The following SHLD1 variants were observed in gnomAD, a reference collection of about 807,000 sequenced individuals.
SHLD1 encodes shieldin complex subunit 1, also known as RINN1-REV7-interacting novel NHEJ regulator 3.
SHLD1 carries 3 observed loss-of-function variants against 5.5 expected under a neutral mutation model. The ratio of observed to expected loss-of-function variants is 0.54; its 90% CI spans 0.25 to 1.40. SHLD1 has a LOEUF of 1.40. Ranked by LOEUF, SHLD1 falls within the 40% of genes most tolerant of loss-of-function variation. SHLD1 has a pLI of 0.15. For synonymous variants in SHLD1, 92 were observed against 94.3 expected (o/e 0.98, Z 0.14); for missense variants, 210 against 244.4 (o/e 0.86, Z 0.94).
intron 2 of SHLD1, among the ~76,000 whole-genome samples, chr20:5,829,881 G>GAA (rs11482144): frequency 1.6e-4 from 23 of 148,016 alleles, no homozygotes; most frequent in South Asian, 4.3e-4. Flanking sequence ...TCTTCTTTAG[G>GAA]AAAAAAAAAC....
At chr20:5,839,348 C>T (rs2122462572) in intron 2 of SHLD1, among the ~76,000 whole-genome samples, 1 of 152,310 alleles carries the variant, frequency 6.6e-6, no homozygotes, top group African/African-American at 2.4e-5. Flanking sequence ...ACTGACCCTT[C>T]TCACTTCTCT....
intron 2 of SHLD1, among the ~76,000 whole-genome samples, chr20:5,809,617 T>C (rs2087430319): frequency 6.6e-6 from 1 of 152,082 alleles, no homozygotes; most frequent in Non-Finnish European, 1.5e-5. Flanking sequence ...GCATCCATCC[T>C]TCCTCAGTTG....
At chr20:5,860,876 TAAAAAAAAAAAAAA>T (rs10555301) in intron 2 of SHLD1, among the ~76,000 whole-genome samples, 10,041 of 100,836 alleles carry the variant, frequency 0.1, 741 homozygotes, top group African/African-American at 0.19. Context: ...TACTATTCTT[TAAAAAAAAAAAAAA>T]AAAAAAAAAA....
chr20:5,816,469 CTG>C (rs1264564614), intron 2 of SHLD1, among the ~76,000 whole-genome samples: 1 of 152,130 alleles, frequency 6.6e-6, no homozygotes, highest in Non-Finnish European at 1.5e-5. Flanking sequence ...GATTCACTGT[CTG>C]TGGGTAAACA....
chr20:5,811,606 G>C (rs560126519), intron 2 of SHLD1, among the ~76,000 whole-genome samples: 1 of 152,268 alleles, frequency 6.6e-6, no homozygotes, highest in Non-Finnish European at 1.5e-5. Flanking sequence ...TGTAAAACCA[G>C]TGCTTTGGGA....
chr20:5,782,629 T>A (rs575991247), intron 2 of SHLD1, among the ~76,000 whole-genome samples: 14 of 152,352 alleles, frequency 9.2e-5, no homozygotes, highest in African/African-American at 2.4e-4. Context: ...GTTATAAGTT[T>A]AAAGTAAATA....
intron 1 of SHLD1, among the ~76,000 whole-genome samples, chr20:5,764,207 ATTTGTG>A (rs1984688772): frequency 1.1e-4 from 4 of 36,100 alleles, no homozygotes; most frequent in African/African-American, 5.0e-4. Flanking sequence ...ATATATATAT[ATTTGTG>A]TGTGTGTATA....
chr20:5,851,159 T>G (rs1372803199), intron 2 of SHLD1, among the ~76,000 whole-genome samples: 1 of 152,144 alleles, frequency 6.6e-6, no homozygotes, highest in African/African-American at 2.4e-5. Context: ...CAGGAAAGAT[T>G]ATTGGAACCA....
chr20:5,837,805 AT>A (rs34196438), intron 2 of SHLD1, among the ~76,000 whole-genome samples: 7,005 of 152,090 alleles, frequency 0.046, 308 homozygotes, highest in East Asian at 0.21. Context: ...AATTTTTCTT[AT>A]TTTTTTGATA....
chr20:5,856,678 G>A lies in SHLD1; in HGVS notation c.179-6346G>A, dbSNP rs573465274. 3.3e-5 allele frequency among the ~76,000 whole-genome samples: 5 copies of A among 152,312 alleles called. No homozygotes were observed. In the South Asian group the frequency reaches 1.0e-3, roughly 32 times the overall value. Reference sequence around the variant, plus strand: ...CAAGAGTTGCTGATAAGTGATCATTGATGACCGGAACATCCCCCACTACTC... The same window carrying A: ...CAAGAGTTGCTGATAAGTGATCATTAATGACCGGAACATCCCCCACTACTC... On this transcript the variant is annotated intron_variant, in intron 2 of 2. Coordinates refer to ENST00000303142, the MANE Select transcript of SHLD1 (RefSeq NM_152504.4).
intron 2 of SHLD1, among the ~76,000 whole-genome samples, chr20:5,844,799 A>ATATATATTTTTT (rs1460082835): frequency 4.2e-5 from 3 of 71,720 alleles, no homozygotes; most frequent in East Asian, 7.5e-4. Flanking sequence ...ATATATATAT[A>ATATATATTTTTT]TTTTTTTTTT....
chr20:5,818,047 C>CTTTTCTTTTTCTCCTTT (rs1369193363), intron 2 of SHLD1, among the ~76,000 whole-genome samples: 3 of 151,748 alleles, frequency 2.0e-5, no homozygotes, highest in Non-Finnish European at 4.4e-5. Flanking sequence ...GTCCAGTTTT[C>CTTTTCTTTTTCTCCTTT]TTTTCTTTTT....
chr20:5,794,079 T>C (rs902056721), intron 2 of SHLD1, among the ~76,000 whole-genome samples: 5 of 152,114 alleles, frequency 3.3e-5, no homozygotes, highest in Non-Finnish European at 5.9e-5. Context: ...TTCTGATTGT[T>C]TGTTTGTTTT....
chr20:5,863,799 G>A lies in SHLD1; in HGVS notation c.*336G>A, dbSNP rs1415004633. ...TCCCTTTCCTCTAGATCGGCCTGAG[G>A]CTGGGACATTACATGAAATCACACC... On this transcript the variant is annotated 3_prime_UTR_variant, in exon 3 of 3. Transcript: ENST00000303142. The A allele has an allele frequency of 4.6e-6, 1 of 217,780 alleles. No individual in the cohort carries two copies. Among genetic ancestry groups the A allele is most frequent in the Non-Finnish European group, 9.0e-6 (1 of 111,544 alleles). The allele number at this position is 217,780 out of a possible 1,614,324, so 13.5% of individuals were successfully genotyped here.
intron 2 of SHLD1, among the ~76,000 whole-genome samples, 166 bp from the exon 3 acceptor site, chr20:5,862,858 C>A (rs1264290419): frequency 1.3e-5 from 2 of 152,148 alleles, no homozygotes; most frequent in East Asian, 3.9e-4. Context: ...AGTGGCATAA[C>A]CTCAGGATGG....
chr20:5,805,191 C>A (rs1285365708), intron 2 of SHLD1, among the ~76,000 whole-genome samples: 2 of 152,168 alleles, frequency 1.3e-5, no homozygotes, highest in Non-Finnish European at 2.9e-5. Flanking sequence ...GAGTTTCGCT[C>A]TTGTTGCCCA....
rs763149662 is a variant in SHLD1 at position 5,863,009 on chromosome 20, C to T, written c.179-15C>T. 9.0e-6 allele frequency: 14 copies of T among 1,552,134 alleles called. No homozygotes were observed. Among genetic ancestry groups the T allele is most frequent in the Admixed American group, 2.0e-5 (1 of 49,304 alleles). ...GATTGTGTGTTTGAGTATTGGAATA[C>T]GTTTTGTCTTGCAGACACCAGTAAC... is the stretch of plus-strand genomic sequence containing the variant. On this transcript the variant is annotated splice_polypyrimidine_tract_variant and intron_variant, in intron 2 of 2. Transcript: ENST00000303142.
chr20:5,856,031 T>G (rs984028655), intron 2 of SHLD1, among the ~76,000 whole-genome samples: 1 of 152,214 alleles, frequency 6.6e-6, no homozygotes, highest in African/African-American at 2.4e-5. Flanking sequence ...AGGGTGAGGA[T>G]GAACAGATCT....
At chr20:5,802,348 G>A (rs73894048) in intron 2 of SHLD1, among the ~76,000 whole-genome samples, 7,635 of 152,210 alleles carry the variant, frequency 0.05, 258 homozygotes, top group African/African-American at 0.091. Context: ...ACACTGTTAG[G>A]GGTCAGACTT....
Sources: gnomAD v4.1 joint callset for allele counts (sites outside exome capture counted in the v4.1 genomes callset) on GRCh38, gnomAD v4.1.1 for gene constraint, MANE v1.5 for transcripts, NCBI Gene and HGNC (gene_info 2026-07-23, HGNC 2026-07-21) for gene names.